Variants in FOXP1 observed in about 807,000 individuals in gnomAD.
The protein encoded by FOXP1 is forkhead box P1.
FOXP1 carries 15 observed loss-of-function variants against 98.2 expected under a neutral mutation model. The observed-to-expected ratio is 0.15, with a 90% CI of 0.10 to 0.24. The LOEUF (loss-of-function observed/expected upper bound fraction) is 0.24. Among genes scored for constraint, FOXP1 ranks in the 10% least tolerant of loss-of-function variants. The pLI is 1.00. For synonymous variants in FOXP1, 371 were observed against 314.5 expected, an observed-to-expected ratio of 1.18 and a Z score of -1.90; for missense variants, 633 against 848.5, an observed-to-expected ratio of 0.75 and a Z score of 3.15.
chr3:71,221,934 C>G (rs1273338191), intron 5 of FOXP1, among the ~76,000 whole-genome samples: 1 of 152,188 alleles, frequency 6.6e-6, no homozygotes, highest in Non-Finnish European at 1.5e-5. Context: ...GCAGGCGGAT[C>G]ACGAGGTGAA....
At chr3:71,256,800 G>C (rs949107254) in intron 5 of FOXP1, among the ~76,000 whole-genome samples, 2 of 152,158 alleles carry the variant, frequency 1.3e-5, no homozygotes, top group Admixed American at 1.3e-4. Flanking sequence ...ACTTAGACTA[G>C]GCCTGTCTGA....
intron 3 of FOXP1, among the ~76,000 whole-genome samples, chr3:71,479,679 CAA>C (rs71120335): frequency 1.4e-4 from 8 of 56,550 alleles, no homozygotes; most frequent in Non-Finnish European, 2.0e-4. Flanking sequence ...AACATCATCT[CAA>C]AAAAAAAAAA....
chr3:71,172,403 A>C (rs1398342182), intron 6 of FOXP1, among the ~76,000 whole-genome samples: 2 of 152,356 alleles, frequency 1.3e-5, no homozygotes, highest in East Asian at 1.9e-4. Flanking sequence ...AATATGTGAG[A>C]GTCTCAAAGA....
chr3:71,037,879 G>A (rs1360277218), intron 11 of FOXP1, among the ~76,000 whole-genome samples: 4 of 152,176 alleles, frequency 2.6e-5, no homozygotes, highest in Non-Finnish European at 4.4e-5. Context: ...TCTACCCTGC[G>A]CAACAGGGAA....
chr3:71,224,725 C>T (rs761621445), intron 5 of FOXP1, among the ~76,000 whole-genome samples: 2 of 152,168 alleles, frequency 1.3e-5, no homozygotes, highest in African/African-American at 2.4e-5. Flanking sequence ...GAACCATCCC[C>T]TCACCCAGTG....
intron 3 of FOXP1, among the ~76,000 whole-genome samples, chr3:71,422,279 C>G (rs1422953818): frequency 1.3e-5 from 2 of 152,304 alleles, no homozygotes; most frequent in East Asian, 3.9e-4. Context: ...AACCAACAAC[C>G]CTCCCCCTTT....
chr3:71,574,542 T>C lies in FOXP1; in HGVS notation c.-298+7007A>G. On this transcript the variant is annotated intron_variant, in intron 2 of 20. Coordinates refer to ENST00000649528, the MANE Select transcript of FOXP1 (RefSeq NM_001349338.3). ...ATTTGTGTGGCATCGTTGGCTAGGC[T>C]ATTTCCATCAATATTCGTGCATGCC... is the stretch of plus-strand genomic sequence containing the variant. 2 of 152,226 alleles carry C rather than the reference T, an allele frequency of 1.3e-5. 1 individual carries two copies. Among genetic ancestry groups the C allele is most frequent in the Admixed American group, 1.3e-4 (2 of 15,280 alleles). The allele number at this position is 152,226 out of a possible 1,614,324, so 9.4% of individuals were successfully genotyped here.
intron 4 of FOXP1, among the ~76,000 whole-genome samples, chr3:71,356,088 A>T (rs1277732208): frequency 6.6e-6 from 1 of 152,028 alleles, no homozygotes; most frequent in Non-Finnish European, 1.5e-5. Flanking sequence ...GTGGCAGAAG[A>T]TCGACATCAT....
intron 2 of FOXP1, among the ~76,000 whole-genome samples, chr3:71,497,033 C>G (rs2091468537): frequency 6.6e-6 from 1 of 150,814 alleles, no homozygotes; most frequent in Admixed American, 6.6e-5. Flanking sequence ...TTCATGGAAC[C>G]CCATAGCTAA....
At chr3:71,511,219 G>C (rs1350325760) in intron 2 of FOXP1, among the ~76,000 whole-genome samples, 1 of 152,102 alleles carries the variant, frequency 6.6e-6, no homozygotes, top group Admixed American at 6.5e-5. Flanking sequence ...TATGTCCCCT[G>C]CAGAGCCCCG....
At position 71,236,473 on chromosome 3, in the gene FOXP1, A is replaced by G. The variant is rs138856637; in HGVS notation, c.-11-38081T>C. On this transcript the variant is annotated intron_variant, in intron 5 of 20. Coordinates refer to ENST00000649528, the MANE Select transcript of FOXP1 (RefSeq NM_001349338.3). ...TCTACCAGTCATCCTGTCTACAGAGATATCATGTAGATTCTAGAGCTTCAT... is the reference window on the plus strand; with the variant it reads ...TCTACCAGTCATCCTGTCTACAGAGGTATCATGTAGATTCTAGAGCTTCAT... Among the ~76,000 whole-genome samples the G allele has an allele frequency of 4.8e-4, 73 of 152,322 alleles. 2 individuals are homozygous for G. In the East Asian group the frequency reaches 0.014, roughly 28 times the overall value.
At chr3:71,125,296 G>T (rs1020910049) in intron 6 of FOXP1, among the ~76,000 whole-genome samples, 1 of 152,112 alleles carries the variant, frequency 6.6e-6, no homozygotes. Context: ...ACGCAGCCTG[G>T]ATAGAATCCC....
chr3:70,966,431 A>C (rs1008238601), intron 19 of FOXP1: 17 of 316,936 alleles, frequency 5.4e-5, no homozygotes, highest in Admixed American at 1.2e-4. Context: ...TTATTTCTTT[A>C]TCCATTTTGA....
chr3:71,274,599 G>A (rs982515289), intron 5 of FOXP1, among the ~76,000 whole-genome samples: 13 of 152,184 alleles, frequency 8.5e-5, no homozygotes, highest in East Asian at 3.8e-4. Flanking sequence ...GCCAGTGTGG[G>A]CTAAGTCTTA....
chr3:71,497,230 C>A lies in FOXP1; in HGVS notation c.-297-3675G>T, dbSNP rs967863020. 2.0e-5 allele frequency among the ~76,000 whole-genome samples: 3 copies of A among 151,944 alleles called. No homozygotes were observed. The East Asian group carries it at 5.8e-4, about 29-fold the overall frequency. ...ACGTAGAATTGTATAACTAGAAAAA[C>A]TATCTCTTAAAGCTGAGGGTGAAAT... On this transcript the variant is annotated intron_variant, in intron 2 of 20. Transcript: ENST00000649528.
chr3:71,408,006 C>T (rs1242388846), intron 3 of FOXP1, among the ~76,000 whole-genome samples: 1 of 152,116 alleles, frequency 6.6e-6, no homozygotes, highest in African/African-American at 2.4e-5. Context: ...TTTTCTTCCT[C>T]GTCAGGAAAG....
intron 5 of FOXP1, among the ~76,000 whole-genome samples, chr3:71,235,224 TA>T (rs1325959647): frequency 1.3e-5 from 2 of 152,334 alleles, no homozygotes; most frequent in East Asian, 3.9e-4. Flanking sequence ...TTTTGGTGTA[TA>T]ACTCACTTTT....
intron 7 of FOXP1, among the ~76,000 whole-genome samples, chr3:71,095,384 C>T: frequency 6.6e-6 from 1 of 152,064 alleles, no homozygotes; most frequent in East Asian, 1.9e-4. Flanking sequence ...GTGATTTTGC[C>T]TTCATCAATT....
chr3:71,311,781 C>T (rs558470016), intron 4 of FOXP1, among the ~76,000 whole-genome samples: 5 of 152,192 alleles, frequency 3.3e-5, no homozygotes, highest in Admixed American at 6.5e-5. Flanking sequence ...AGAGTGATCT[C>T]AAAGTAGAAA....
Sources: gnomAD v4.1 joint callset for allele counts (sites outside exome capture counted in the v4.1 genomes callset) on GRCh38, gnomAD v4.1.1 for gene constraint, MANE v1.5 for transcripts, NCBI Gene and HGNC (gene_info 2026-07-23, HGNC 2026-07-21) for gene names.